BRCA1: variants seen among roughly 807,000 people sequenced by gnomAD.
BRCA1 encodes breast cancer type 1 susceptibility protein.
Under a neutral mutation model 173.7 loss-of-function variants are expected in BRCA1, and 140 were observed. The ratio of observed to expected loss-of-function variants is 0.81; its 90% confidence interval spans 0.70 to 0.93. The LOEUF (loss-of-function observed/expected upper bound fraction) is 0.93, where lower values mean the gene tolerates loss of function less well. Ranked by LOEUF, BRCA1 falls within the 40% of genes least tolerant of loss-of-function variation. BRCA1 has a pLI of 0.00. For missense variants in BRCA1, 1,983 were observed against 2,172.5 expected (o/e 0.91, Z 1.73); for synonymous variants, 662 against 756.0 (o/e 0.88, Z 2.04).
intron 22 of BRCA1, 86 bp from the exon 23 acceptor site, chr17:43,045,888 G>T: frequency 1.9e-6 from 3 of 1,540,636 alleles, no homozygotes; most frequent in Non-Finnish European, 1.8e-6. Context: ...GGTCCTGGTT[G>T]TATGAGTTCT....
At chr17:43,146,961 G>A (rs776158364) in intron 1 of BRCA1, among the ~76,000 whole-genome samples, 3 of 151,744 alleles carry the variant, frequency 2.0e-5, no homozygotes, top group Admixed American at 2.0e-4. Flanking sequence ...CATCACTGTT[G>A]AAGATCTCAT....
chr17:43,121,158 A>C (rs1272198905), intron 2 of BRCA1, among the ~76,000 whole-genome samples: 2 of 151,496 alleles, frequency 1.3e-5, no homozygotes, highest in Non-Finnish European at 2.9e-5. Context: ...GGTGGATCAC[A>C]AGGTCAGGAG....
chr17:43,155,009 T>A (rs2056187715), intron 1 of BRCA1, among the ~76,000 whole-genome samples: 1 of 152,160 alleles, frequency 6.6e-6, no homozygotes. Flanking sequence ...AGGCAAACCC[T>A]GAGCAGGACC....
intron 19 of BRCA1, among the ~76,000 whole-genome samples, chr17:43,054,137 C>A (rs1466514193): frequency 1.3e-5 from 2 of 152,140 alleles, no homozygotes; most frequent in African/African-American, 4.8e-5. Context: ...ACTAGAATTT[C>A]TTTTTAAAGA....
intron 1 of BRCA1, among the ~76,000 whole-genome samples, chr17:43,152,502 C>T (rs567739738): frequency 3.9e-5 from 6 of 152,104 alleles, no homozygotes; most frequent in South Asian, 4.2e-4. Flanking sequence ...GGGTGGATCA[C>T]GAGGTCAGGA....
chr17:43,135,292 G>T (rs768399573), intron 1 of BRCA1, among the ~76,000 whole-genome samples: 56 of 136,328 alleles, frequency 4.1e-4, no homozygotes, highest in Admixed American at 8.2e-4. Context: ...GCCACAGAGC[G>T]CAGCGGCCGG....
chr17:43,127,237 CTAGGT>C (rs1266652531), upstream of BRCA1, among the ~76,000 whole-genome samples: 1 of 152,240 alleles, frequency 6.6e-6, no homozygotes, highest in African/African-American at 2.4e-5. Context: ...GCAGGATCCA[CTAGGT>C]GAAGCCAGCT....
intron 16 of BRCA1, among the ~76,000 whole-genome samples, chr17:43,064,579 ATTTAGT>A (rs1293775984): frequency 6.6e-6 from 1 of 152,206 alleles, no homozygotes; most frequent in African/African-American, 2.4e-5. Context: ...AGGAAAGACC[ATTTAGT>A]TTTAAACAGG....
At chr17:43,156,048 C>T (rs1414893586) in intron 1 of BRCA1, among the ~76,000 whole-genome samples, 1 of 151,998 alleles carries the variant, frequency 6.6e-6, no homozygotes, top group Non-Finnish European at 1.5e-5. Flanking sequence ...ACCAGCCTAG[C>T]CAATATGGGG....
intron 7 of BRCA1, among the ~76,000 whole-genome samples, chr17:43,098,953 G>A (rs910140025): frequency 1.3e-5 from 2 of 151,246 alleles, no homozygotes; most frequent in African/African-American, 4.9e-5. Flanking sequence ...GAGTAGCTGG[G>A]ATTACAGGCA....
intron 2 of BRCA1, among the ~76,000 whole-genome samples, chr17:43,120,344 C>A (rs979215682): frequency 1.3e-5 from 2 of 152,232 alleles, no homozygotes; most frequent in Admixed American, 6.5e-5. Flanking sequence ...TGTTTCCAGT[C>A]ATGATCATTC....
intron 3 of BRCA1, among the ~76,000 whole-genome samples, chr17:43,114,794 C>T (rs2055187567): frequency 6.6e-6 from 1 of 152,054 alleles, no homozygotes; most frequent in Admixed American, 6.6e-5. Flanking sequence ...AATTAGTTGA[C>T]ATTTAAGGTA....
chr17:43,106,559 C>T (rs2054800462), intron 3 of BRCA1, 26 bp from the exon 4 acceptor site: 1 of 1,493,600 alleles, frequency 6.7e-7, no homozygotes, highest in Non-Finnish European at 9.3e-7. Flanking sequence ...AAAGAAAGAA[C>T]AATTTAATTT....
intron 3 of BRCA1, among the ~76,000 whole-genome samples, chr17:43,109,454 T>C (rs1024956743): frequency 6.6e-6 from 1 of 152,172 alleles, no homozygotes; most frequent in Non-Finnish European, 1.5e-5. Flanking sequence ...GCACCCACAA[T>C]CTTCCTACCA....
At chr17:43,169,358 G>C (rs1007592409) in intron 1 of BRCA1, among the ~76,000 whole-genome samples, 3 of 152,100 alleles carry the variant, frequency 2.0e-5, no homozygotes, top group African/African-American at 7.2e-5. Context: ...TAGTAGAGAC[G>C]GGGTTTCACC....
chr17:43,157,435 C>T (rs1195089800), intron 1 of BRCA1, among the ~76,000 whole-genome samples: 1 of 152,242 alleles, frequency 6.6e-6, no homozygotes, highest in Non-Finnish European at 1.5e-5. Context: ...CGCGGAGGCT[C>T]ACGCCTGTAA....
In BRCA1 at chr17:43,139,760, T is replaced by C. The variant is rs191644442; in HGVS notation, c.-19-15645A>G. 7.4e-4 allele frequency: 316 copies of C among 425,064 alleles called. 1 individual carries two copies. The highest frequency in any genetic ancestry group is 2.4e-3 in the Admixed American group (92 of 38,870). 26.3% of individuals were successfully genotyped at this position (425,064 alleles called of 1,614,324 possible). A position where few individuals can be genotyped will look rare whatever the true frequency, so the allele number is the denominator to read the frequency against. On this transcript the variant is annotated intron_variant, in intron 1 of 7. Coordinates refer to the BRCA1 transcript ENST00000634433. ...TTTGTGTTTATGAGTTCTCATCATT[T>C]AGCTCCCACTTATAAGTGAGAACGT...
At chr17:43,084,740 G>A (rs2154185643) in intron 11 of BRCA1, among the ~76,000 whole-genome samples, 1 of 152,292 alleles carries the variant, frequency 6.6e-6, no homozygotes. Flanking sequence ...GCCAAGGTCT[G>A]CAGCAATGCC....
chr17:43,134,904 G>A (rs62076415), intron 1 of BRCA1, among the ~76,000 whole-genome samples: 78 of 152,212 alleles, frequency 5.1e-4, no homozygotes, highest in Non-Finnish European at 1.0e-3. Flanking sequence ...AGCACAGGAC[G>A]CCCAGGCCGA....
Sources: allele counts gnomAD v4.1 joint callset (sites outside exome capture counted in the v4.1 genomes callset), GRCh38; gene constraint gnomAD v4.1.1; transcripts MANE v1.5; gene names NCBI Gene and HGNC (gene_info 2026-07-23, HGNC 2026-07-21).